SORL1: variants seen among roughly 807,000 people sequenced by gnomAD.
The protein encoded by SORL1 is sortilin-related receptor.
Under a neutral mutation model 273.7 loss-of-function variants are expected in SORL1, and 127 were observed. The ratio of observed to expected loss-of-function variants is 0.46; its 90% CI spans 0.40 to 0.54. The LOEUF is 0.54. Among genes scored for constraint, SORL1 ranks in the 20% least tolerant of loss-of-function variants. SORL1 has a pLI of 0.00. For missense variants in SORL1, 2,494 were observed against 2,846.1 expected (o/e 0.88, Z 2.81); for synonymous variants, 1,031 against 1,067.4 (o/e 0.97, Z 0.66).
intron 11 of SORL1, among the ~76,000 whole-genome samples, chr11:121,523,990 T>G (rs1368536227): frequency 1.3e-5 from 2 of 152,212 alleles, no homozygotes; most frequent in South Asian, 2.1e-4. Flanking sequence ...GTCACAAGCC[T>G]TCTCTCACTG....
At chr11:121,561,988 T>C (rs1862683310) in intron 21 of SORL1, among the ~76,000 whole-genome samples, 1 of 152,184 alleles carries the variant, frequency 6.6e-6, no homozygotes, top group South Asian at 2.1e-4. Flanking sequence ...GCACTGTCTA[T>C]GAGCACTCCG....
chr11:121,583,003 T>C (rs758950855), intron 25 of SORL1, among the ~76,000 whole-genome samples: 1 of 152,224 alleles, frequency 6.6e-6, no homozygotes, highest in Non-Finnish European at 1.5e-5. Flanking sequence ...CCGCTCCTTA[T>C]TTCTCAGCAT....
intron 1 of SORL1, among the ~76,000 whole-genome samples, chr11:121,464,926 A>G (rs775411686): frequency 6.6e-6 from 1 of 152,206 alleles, no homozygotes; most frequent in African/African-American, 2.4e-5. Flanking sequence ...AGATAAAAGG[A>G]GCACTTCTTA....
At chr11:121,533,935 T>C (rs1862234946) in intron 12 of SORL1, among the ~76,000 whole-genome samples, 1 of 152,266 alleles carries the variant, frequency 6.6e-6, no homozygotes, top group Non-Finnish European at 1.5e-5. Flanking sequence ...GATTGGTGTT[T>C]GCTCAGACAA....
intron 29 of SORL1, 81 bp downstream of exon 29, chr11:121,589,471 A>C: frequency 6.5e-7 from 1 of 1,549,878 alleles, no homozygotes; most frequent in Non-Finnish European, 8.9e-7. Context: ...ACTCACCGGC[A>C]ACCCCACTGC....
intron 32 of SORL1, among the ~76,000 whole-genome samples, chr11:121,603,201 G>A (rs1863420504): frequency 6.6e-6 from 1 of 152,244 alleles, no homozygotes; most frequent in Admixed American, 6.5e-5. Context: ...GGATTAGGAT[G>A]TGGACGTCTT....
chr11:121,549,963 CTT>C lies in SORL1; in HGVS notation c.2056_2057del (p.Phe686ArgfsTer6). 6.2e-7 allele frequency: 1 copy of C among 1,613,300 alleles called. No individual in the cohort carries two copies. The highest frequency in any genetic ancestry group is 8.5e-7 in the Non-Finnish European group (1 of 1,179,500). On this transcript the variant is annotated frameshift_variant, in exon 15 of 48. Coordinates refer to ENST00000260197, the MANE Select transcript of SORL1 (RefSeq NM_003105.6). LOFTEE classifies it high-confidence loss of function. ...SCTREDYECD[F>X]GFKMSEDLSL... ...CAAAGCCCAATTGCCTTTTTAGTGA[CTT>C]CGGTTTCAAGATGAGTGAAGATTTG...
rs1591322918 is a variant in SORL1 at position 121,550,746 on chromosome 11, GCT to G, written c.2266+77_2266+78del. On this transcript the variant is annotated intron_variant, in intron 16 of 47. Transcript: ENST00000260197. The surrounding 1 kb of genome is among the most constrained non-coding windows in gnomAD (Gnocchi z 5.3). Reference sequence around the variant, plus strand: ...GTATCACGATCTCACCCAAGTCCGGGCTTGTGGCTCCTTTAATTGAGTGGAGA... The same window carrying G: ...GTATCACGATCTCACCCAAGTCCGGGTGTGGCTCCTTTAATTGAGTGGAGA... 6 of 1,134,568 alleles carry G rather than the reference GCT, an allele frequency of 5.3e-6. No homozygotes were observed. The highest frequency in any genetic ancestry group is 6.4e-6 in the Non-Finnish European group (5 of 779,560). The allele number at this position is 1,134,568 out of a possible 1,614,324, so 70.3% of individuals were successfully genotyped here. A position where few individuals can be genotyped will look rare whatever the true frequency, so the allele number is the denominator to read the frequency against.
At position 121,607,302 on chromosome 11, in the gene SORL1, C is replaced by G. The variant is rs755585160; in HGVS notation, c.5166+12C>G. 6.9e-7 allele frequency: 1 copy of G among 1,440,728 alleles called. No individual in the cohort carries two copies. The highest frequency in any genetic ancestry group is 1.1e-5 in the South Asian group (1 of 87,302). The allele number at this position is 1,440,728 out of a possible 1,614,324, so 89.2% of individuals were successfully genotyped here. A position where few individuals can be genotyped will look rare whatever the true frequency, so the allele number is the denominator to read the frequency against. ...TATACACCGTCAGAGTGAGTGTCGT[C>G]ATCCATTCCAGCCATCCATGCAGTC... On this transcript the variant is annotated intron_variant, in intron 37 of 47. Transcript: ENST00000260197.
At chr11:121,590,751 T>A (rs1189152636) in intron 30 of SORL1, 2 of 708,752 alleles carry the variant, frequency 2.8e-6, no homozygotes, top group African/African-American at 3.5e-5. Flanking sequence ...AGCAAACTTA[T>A]CTGAATATTA....
In SORL1 at chr11:121,615,072, G is replaced by T; in HGVS notation, c.5604+17G>T. 1 of 1,579,622 alleles carries T rather than the reference G, an allele frequency of 6.3e-7. No individual in the cohort carries two copies. Among genetic ancestry groups the T allele is most frequent in the South Asian group, 1.2e-5 (1 of 86,910 alleles). ...CGGAATGTGGTGAGTCAGCCAGAAT[G>T]ACCATCACAAAGTGAGTGTGGACTG... On this transcript the variant is annotated intron_variant, in intron 41 of 47. Transcript: ENST00000260197.
At chr11:121,583,337 G>C (rs1385056272) in intron 25 of SORL1, 121 bp from the exon 26 acceptor site, 2 of 1,162,512 alleles carry the variant, frequency 1.7e-6, no homozygotes, top group Non-Finnish European at 2.3e-6. Flanking sequence ...AAACCCAGAT[G>C]CTCCCACAGT....
chr11:121,486,404 C>T (rs562881657), intron 3 of SORL1, among the ~76,000 whole-genome samples: 2 of 152,072 alleles, frequency 1.3e-5, no homozygotes, highest in East Asian at 3.9e-4. Context: ...TTTAGGAGGC[C>T]GAGGCAGCCT....
chr11:121,524,932 A>T (rs1862098825), intron 11 of SORL1, among the ~76,000 whole-genome samples: 1 of 151,930 alleles, frequency 6.6e-6, no homozygotes, highest in South Asian at 2.1e-4. Context: ...TTTTTAAAAT[A>T]ATTTTTATTT....
chr11:121,477,638 G>C (rs117310840), intron 2 of SORL1, among the ~76,000 whole-genome samples: 4,470 of 152,276 alleles, frequency 0.029, 90 homozygotes, highest in Middle Eastern at 0.051. Flanking sequence ...ACATAGAGGT[G>C]CCCTGCCTCA....
chr11:121,607,458 C>T (rs988807457), intron 37 of SORL1, among the ~76,000 whole-genome samples, 168 bp downstream of exon 37: 1 of 152,206 alleles, frequency 6.6e-6, no homozygotes. Context: ...CTTTCAGTCT[C>T]TTAAATGGAC....
At chr11:121,498,296 TAAG>T (rs1861659878) in intron 6 of SORL1, among the ~76,000 whole-genome samples, 1 of 152,188 alleles carries the variant, frequency 6.6e-6, no homozygotes, top group Non-Finnish European at 1.5e-5. Flanking sequence ...AACACACAGA[TAAG>T]AAATCAGGCC....
rs781023219 is a variant in SORL1, at chr11:121,588,112, C to T, written c.3907C>T (p.Arg1303Cys). 9 of 1,613,826 alleles carry T rather than the reference C, an allele frequency of 5.6e-6. No homozygotes were observed. Among genetic ancestry groups the T allele is most frequent in the East Asian group, 2.2e-5 (1 of 44,860 alleles). Residue 1303 changes from arginine (R) to cysteine (C), a missense_variant, in exon 28 of 48, where the codon CGC becomes TGC. Transcript: ENST00000260197. ...GGTCTGTGACGGAATCATCCAGTGC[C>T]GCGACGGGTCCGATGAGGATGCGGC... is the stretch of plus-strand genomic sequence containing the variant. ...SMVCDGIIQC[R>C]DGSDEDAAFA... is the part of the protein sequence containing the mutation.
At chr11:121,490,827 G>C (rs950845051) in intron 5 of SORL1, among the ~76,000 whole-genome samples, 2 of 151,904 alleles carry the variant, frequency 1.3e-5, no homozygotes, top group East Asian at 3.9e-4. Flanking sequence ...GATTCTTAAG[G>C]GTATAAGAAA....
Sources: gnomAD v4.1 joint callset for allele counts (sites outside exome capture counted in the v4.1 genomes callset) on GRCh38, gnomAD v4.1.1 for gene constraint, Gnocchi (gnomAD v3.1) non-coding constraint, MANE v1.5 for transcripts, NCBI Gene and HGNC (gene_info 2026-07-23, HGNC 2026-07-21) for gene names.